Variants in HAP1 observed in about 807,000 individuals in gnomAD.
HAP1 encodes huntingtin-associated protein 1.
In HAP1, 59 loss-of-function variants were observed where a neutral mutation model predicts 60.3. The observed-to-expected ratio is 0.98, with a 90% CI of 0.79 to 1.22. The LOEUF is 1.22. HAP1 is among the 50% of genes most tolerant of loss of function. The pLI, the probability that HAP1 is intolerant of heterozygous loss-of-function variation, is 0.00. For synonymous variants in HAP1, 346 were observed against 330.6 expected (o/e 1.05, Z -0.50); for missense variants, 825 against 785.3 (o/e 1.05, Z -0.60).
rs376345209 is a variant in HAP1 at position 41,724,669 on chromosome 17, G to A, written c.*32C>T. On this transcript the variant is annotated 3_prime_UTR_variant, in exon 11 of 11. Coordinates refer to ENST00000347901, the MANE Select transcript of HAP1 (RefSeq NM_177977.3). ...CAGGTAGAGCCAGGCTGGGGCAGGT[G>A]AGCACTCGGGGAGCTTATCCACCCT... The A allele has an allele frequency of 4.0e-6, 6 of 1,515,518 alleles. No homozygotes were observed. Among genetic ancestry groups the A allele is most frequent in the Non-Finnish European group, 5.4e-6 (6 of 1,108,790 alleles). 93.9% of individuals were successfully genotyped at this position (1,515,518 alleles called of 1,614,324 possible). A position where few individuals can be genotyped will look rare whatever the true frequency, so the allele number is the denominator to read the frequency against.
intron 9 of HAP1, among the ~76,000 whole-genome samples, chr17:41,726,598 C>T (rs1196243048): frequency 2.0e-5 from 3 of 151,340 alleles, no homozygotes; most frequent in Non-Finnish European, 4.4e-5. Flanking sequence ...CATGATGGCT[C>T]ACGCCTGTAA....
chr17:41,725,080 G>C lies in HAP1; in HGVS notation c.1481C>G (p.Ala494Gly). Residue 494 changes from alanine to glycine, a missense_variant, in exon 11 of 11, where the codon GCG (alanine) becomes GGG (glycine). By Grantham distance (60) the Ala-to-Gly change is moderately conservative. Coordinates refer to ENST00000347901, the MANE Select transcript of HAP1 (RefSeq NM_177977.3). The part of the protein sequence containing the change: ...FEAEEGLMLA[A>G]DIMRGEDFTP... ...GAAATCTTCCCCCCGCATGATATCC[G>C]CTGCCAGCATCAACCCTTCCTCAGC... 1 of 1,613,350 alleles carries C rather than the reference G, an allele frequency of 6.2e-7. No homozygotes were observed.
Position 41,734,191 on chromosome 17 carries a change from GGCGC to G in HAP1, c.440_443del (p.Arg147ProfsTer29). On this transcript the variant is annotated frameshift_variant, in exon 1 of 11. Transcript: ENST00000347901. LOFTEE classifies it high-confidence loss of function. ...CTTCCTCCAGCTCCCGAATAAAGGC[GGCGC>G]GCTCAGGGCCGGACACCCCGGGTCG... The G allele has an allele frequency of 6.3e-7, 1 of 1,586,780 alleles. No individual in the cohort carries two copies. The highest frequency in any genetic ancestry group is 1.7e-5 in the Admixed American group (1 of 58,692).
Position 41,734,583 on chromosome 17 carries a change from C to G in HAP1, c.52G>C (p.Gly18Arg). 1.3e-6 allele frequency: 2 copies of G among 1,584,042 alleles called. No individual in the cohort carries two copies. The highest frequency in any genetic ancestry group is 1.3e-5 in the African/African-American group (1 of 74,498). ...GCACAGGTGAGTGCTGCTGGGTCCC[C>G]GGGTCCGAGCCGGCTCCCCGCGCAG... ...RCCAGSRLGP[G>R]DPAALTCAPS... The change falls in exon 1 of 11, where the codon GGG becomes CGG. Residue 18 changes from glycine to arginine, a missense_variant. Gly to Arg is a moderately radical substitution (Grantham distance 125). Transcript: ENST00000347901.
chr17:41,734,627 G>T lies in HAP1; in HGVS notation c.8C>A (p.Pro3Gln). 1 of 1,513,736 alleles carries T rather than the reference G, an allele frequency of 6.6e-7. No homozygotes were observed. 93.8% of individuals were successfully genotyped at this position (1,513,736 alleles called of 1,614,324 possible). Reference sequence around the variant, plus strand: ...CGCGCAGCACCGGCCCAACCTCTTCGGGCGCATCTCGAGTCTGCCGTCCGC... The same window carrying T: ...CGCGCAGCACCGGCCCAACCTCTTCTGGCGCATCTCGAGTCTGCCGTCCGC... Reference protein sequence around the residue: MRPKRLGRCCAGS... With the variant: MRQKRLGRCCAGS... Residue 3 changes from proline to glutamine, a missense_variant, in exon 1 of 11, where the codon CCG (proline) becomes CAG (glutamine). Transcript: ENST00000347901.
chr17:41,724,828 T>C lies in HAP1; in HGVS notation c.1733A>G (p.Gln578Arg), dbSNP rs1348942722. ...SHLDMNYVLQQLANWQDAHYR... is the reference protein window; with the variant it reads ...SHLDMNYVLQRLANWQDAHYR... ...ATGGGCATCTTGCCAGTTGGCCAGC[T>C]GCTGGAGGACATAATTCATGTCCAG... Residue 578 changes from glutamine (Q) to arginine (R), a missense_variant, in exon 11 of 11, where the codon CAG (glutamine) becomes CGG (arginine). Coordinates refer to ENST00000347901, the MANE Select transcript of HAP1 (RefSeq NM_177977.3). 6.2e-7 allele frequency: 1 copy of C among 1,613,298 alleles called. No homozygotes were observed. Among genetic ancestry groups the C allele is most frequent in the African/African-American group, 1.3e-5 (1 of 74,930 alleles).
rs1911591415 is a variant in HAP1, at chr17:41,725,904, A to G, written c.1368-7T>C. 2 of 1,608,842 alleles carry G rather than the reference A, an allele frequency of 1.2e-6. No homozygotes were observed. Among genetic ancestry groups the G allele is most frequent in the Non-Finnish European group, 1.7e-6 (2 of 1,175,292 alleles). On this transcript the variant is annotated splice_region_variant and splice_polypyrimidine_tract_variant and intron_variant, in intron 9 of 10. Coordinates refer to ENST00000347901, the MANE Select transcript of HAP1 (RefSeq NM_177977.3). ...TCTGGGCATCTCATAATTCCTTCAA[A>G]GAGAAAAGGACCTTCATTATGAGAC...
Position 41,724,433 on chromosome 17 carries a change from G to A in HAP1, c.*268C>T. 2 of 464,840 alleles carry A rather than the reference G, an allele frequency of 4.3e-6. No homozygotes were observed. Among genetic ancestry groups the A allele is most frequent in the South Asian group, 3.5e-5 (1 of 28,678 alleles). 28.8% of individuals were successfully genotyped at this position (464,840 alleles called of 1,614,324 possible). On this transcript the variant is annotated 3_prime_UTR_variant, in exon 11 of 11. Coordinates refer to ENST00000347901, the MANE Select transcript of HAP1 (RefSeq NM_177977.3). ...GAGGAGGCAGGGGTTGGGGGCAGGG[G>A]AAGCAAGCGGGCAGAGATGGGAAGC...
chr17:41,719,828 A>G (rs1468157252), downstream of HAP1, among the ~76,000 whole-genome samples: 2 of 152,236 alleles, frequency 1.3e-5, no homozygotes, highest in African/African-American at 4.8e-5. Flanking sequence ...TATCAATAAA[A>G]TAAGTCCAAA....
At chr17:41,718,393 G>T (rs1312766485), downstream of HAP1, 3 of 165,018 alleles carry the variant, frequency 1.8e-5, no homozygotes, top group East Asian at 4.8e-4. Flanking sequence ...TCTCAGGGCT[G>T]GGTCTGGTAG....
At chr17:41,726,968 G>C in intron 9 of HAP1, 85 bp downstream of exon 9, 2 of 692,402 alleles carry the variant, frequency 2.9e-6, no homozygotes, top group Non-Finnish European at 2.6e-6. Context: ...GGGAAGCGTG[G>C]AAGGTCAGAG....
At position 41,723,625 on chromosome 17, in the gene HAP1, CAGA is replaced by C. The variant is rs1443011036; in HGVS notation, c.*1073_*1075del. 5 of 152,832 alleles carry C rather than the reference CAGA, an allele frequency of 3.3e-5. No individual in the cohort carries two copies. Among genetic ancestry groups the C allele is most frequent in the Admixed American group, 6.5e-5 (1 of 15,302 alleles). The allele number at this position is 152,832 out of a possible 1,614,324, so 9.5% of individuals were successfully genotyped here. On this transcript the variant is annotated 3_prime_UTR_variant, in exon 11 of 11. Coordinates refer to ENST00000347901, the MANE Select transcript of HAP1 (RefSeq NM_177977.3). Reference sequence around the variant, plus strand: ...TGGGCAGGGGTCTGATCAACTGTATCAGAAGGACACGGAAAGTCGCCATTGATA... The same window carrying C: ...TGGGCAGGGGTCTGATCAACTGTATCAGGACACGGAAAGTCGCCATTGATA...
downstream of HAP1, chr17:41,721,444 T>C (rs1260503356): frequency 6.5e-6 from 1 of 154,960 alleles, no homozygotes; most frequent in Non-Finnish European, 1.5e-5. Flanking sequence ...CTCCAGATTT[T>C]AGGAAATTTC....
intron 4 of HAP1, 89 bp downstream of exon 4, chr17:41,731,848 C>A: frequency 1.1e-6 from 1 of 893,312 alleles, no homozygotes; most frequent in Non-Finnish European, 1.8e-6. Context: ...AGCAACCCTG[C>A]CAGCAAGCAC....
chr17:41,727,375 C>T (rs1555589173), intron 8 of HAP1: 1 of 780,632 alleles, frequency 1.3e-6, no homozygotes, highest in South Asian at 1.3e-5. Flanking sequence ...TTCACCTCCT[C>T]CTGCATCTCA....
chr17:41,732,417 A>G (rs781830962), intron 2 of HAP1, 23 bp from the exon 3 acceptor site: 1 of 1,608,028 alleles, frequency 6.2e-7, no homozygotes, highest in South Asian at 1.1e-5. Context: ...CAGGGGTCAG[A>G]GAGAGGCTAG....
chr17:41,718,074 C>A, downstream of HAP1: 2 of 455,506 alleles, frequency 4.4e-6, no homozygotes, highest in South Asian at 1.6e-5. Flanking sequence ...AGTTTATTAA[C>A]ATGTGTATCA....
chr17:41,718,498 C>T (rs1483523321), downstream of HAP1, among the ~76,000 whole-genome samples: 2 of 152,008 alleles, frequency 1.3e-5, no homozygotes, highest in Non-Finnish European at 2.9e-5. Flanking sequence ...AGAACAAGGG[C>T]TGGGGTTCCT....
At position 41,728,258 on chromosome 17, in the gene HAP1, C is replaced by T; in HGVS notation, c.1143G>A (p.Gln381=). 1.2e-6 allele frequency: 2 copies of T among 1,613,620 alleles called. No homozygotes were observed. Among genetic ancestry groups the T allele is most frequent in the Non-Finnish European group, 1.7e-6 (2 of 1,180,024 alleles). Residue 381 remains glutamine (Q), a synonymous_variant, in exon 7 of 11, where the codon CAG becomes CAA. Transcript: ENST00000347901. The part of the protein sequence containing the change: ...VLRLENYERQ[Q]QEVARLQAQV... Reference sequence around the variant, plus strand: ...GGGCCTGCAGCCGAGCGACCTCCTGCTGCTGCCGTTCATAGTTTTCCAGCC... The same window carrying T: ...GGGCCTGCAGCCGAGCGACCTCCTGTTGCTGCCGTTCATAGTTTTCCAGCC...
Sources: allele counts gnomAD v4.1 joint callset (sites outside exome capture counted in the v4.1 genomes callset), GRCh38; gene constraint gnomAD v4.1.1; transcripts MANE v1.5; gene names NCBI Gene and HGNC (gene_info 2026-07-23, HGNC 2026-07-21).